The following GALNT13 variants were observed in gnomAD, a reference collection of about 807,000 sequenced individuals.
GALNT13 encodes UDP-GalNAc:polypeptide N-acetylgalactosaminyltransferase 13.
A neutral mutation model predicts 64.2 loss-of-function variants in GALNT13; 28 were observed. That is an observed-to-expected ratio of 0.44 (90% CI 0.32 to 0.60). The LOEUF (loss-of-function observed/expected upper bound fraction) is 0.60, where lower values mean the gene tolerates loss of function less well. Ranked by LOEUF, GALNT13 falls within the 20% of genes least tolerant of loss-of-function variation. The probability of loss-of-function intolerance (pLI) is 0.05; values close to 1 mark genes in which losing one functional copy is unlikely to be tolerated. For synonymous variants in GALNT13, 214 were observed against 224.6 expected (o/e 0.95, Z 0.42); for missense variants, 577 against 669.8 (o/e 0.86, Z 1.53).
chr2:153,194,265 T>G, the GALNT13 span, among the ~76,000 whole-genome samples: 1 of 152,174 alleles, frequency 6.6e-6, no homozygotes, highest in African/African-American at 2.4e-5. Context: ...CCATAAATCA[T>G]GAAGGCTTTC....
At chr2:154,245,403 A>C (rs1450401919) in intron 6 of GALNT13, among the ~76,000 whole-genome samples, 1 of 152,126 alleles carries the variant, frequency 6.6e-6, no homozygotes, top group Non-Finnish European at 1.5e-5. Context: ...CCTACTTGAA[A>C]TGCAAACTAC....
chr2:153,619,922 G>A, the GALNT13 span, among the ~76,000 whole-genome samples: 1 of 151,790 alleles, frequency 6.6e-6, no homozygotes, highest in Admixed American at 6.6e-5. Flanking sequence ...ATGCCTTCAG[G>A]TAGTTTTCTT....
At chr2:153,891,559 G>T (rs779825223) in intron 1 of GALNT13, among the ~76,000 whole-genome samples, 3 of 151,936 alleles carry the variant, frequency 2.0e-5, no homozygotes, top group Non-Finnish European at 4.4e-5. Context: ...TAAGTCACAG[G>T]GTTTAAAATT....
the GALNT13 span, among the ~76,000 whole-genome samples, chr2:153,082,654 C>T: frequency 1.3e-3 from 106 of 79,060 alleles, 2 homozygotes; most frequent in South Asian, 0.024. Flanking sequence ...CACACACACA[C>T]ACACACACAC....
At chr2:153,638,231 A>G in the GALNT13 span, among the ~76,000 whole-genome samples, 4 of 152,132 alleles carry the variant, frequency 2.6e-5, no homozygotes, top group African/African-American at 9.7e-5. Flanking sequence ...CATTGTAAAG[A>G]TATTCATTGG....
intron 3 of GALNT13, among the ~76,000 whole-genome samples, chr2:154,045,916 T>C (rs1288035322): frequency 2.0e-5 from 3 of 150,926 alleles, no homozygotes; most frequent in Non-Finnish European, 4.5e-5. Flanking sequence ...TCTTTTTCTT[T>C]CTCTGTCTAG....
chr2:154,351,474 G>A (rs1250789572), intron 9 of GALNT13, among the ~76,000 whole-genome samples: 3 of 151,838 alleles, frequency 2.0e-5, no homozygotes, highest in Non-Finnish European at 2.9e-5. Context: ...ACGAGGTCAG[G>A]AGATTGAGAC....
the GALNT13 span, among the ~76,000 whole-genome samples, chr2:153,542,358 AC>A: frequency 0.11 from 7,847 of 70,618 alleles, 468 homozygotes; most frequent in East Asian, 0.45. Flanking sequence ...ACACACACAC[AC>A]AAAAAAAAAA....
the GALNT13 span, among the ~76,000 whole-genome samples, chr2:153,415,208 T>C: frequency 6.6e-6 from 1 of 152,128 alleles, no homozygotes; most frequent in African/African-American, 2.4e-5. Flanking sequence ...TAGTCTTGTA[T>C]GTTGACATGG....
At chr2:154,258,974 C>G in intron 7 of GALNT13, 47 bp from the exon 8 acceptor site, 1 of 981,262 alleles carries the variant, frequency 1.0e-6, no homozygotes, top group Non-Finnish European at 1.6e-6. Context: ...AAACTCCATA[C>G]ATTGTTTTCA....
At chr2:153,314,805 C>T in the GALNT13 span, among the ~76,000 whole-genome samples, 1 of 151,314 alleles carries the variant, frequency 6.6e-6, no homozygotes, top group Non-Finnish European at 1.5e-5. Flanking sequence ...TATCTGTAAA[C>T]ATCTACATTT....
At chr2:153,235,254 T>C in the GALNT13 span, among the ~76,000 whole-genome samples, 1 of 152,134 alleles carries the variant, frequency 6.6e-6, no homozygotes, top group Non-Finnish European at 1.5e-5. Context: ...GTGGCCCAGT[T>C]CAGGTTTTTG....
chr2:153,726,948 A>C, the GALNT13 span, among the ~76,000 whole-genome samples: 10 of 148,126 alleles, frequency 6.8e-5, no homozygotes, highest in African/African-American at 2.1e-4. Flanking sequence ...TCAAAAAAAA[A>C]AAAAAAAACA....
At chr2:153,282,383 G>C in the GALNT13 span, among the ~76,000 whole-genome samples, 1 of 152,056 alleles carries the variant, frequency 6.6e-6, no homozygotes, top group East Asian at 1.9e-4. Flanking sequence ...CTGAGTTTCT[G>C]TTTTGATTAG....
intron 3 of GALNT13, among the ~76,000 whole-genome samples, chr2:153,980,978 T>G (rs2105157856): frequency 6.6e-6 from 1 of 152,294 alleles, no homozygotes; most frequent in African/African-American, 2.4e-5. Context: ...TCTCAAATGA[T>G]ATTTTATTCA....
chr2:153,655,957 T>A, the GALNT13 span, among the ~76,000 whole-genome samples: 1 of 152,144 alleles, frequency 6.6e-6, no homozygotes, highest in Non-Finnish European at 1.5e-5. Flanking sequence ...TTAATAGGTA[T>A]AATGTCTTCA....
At chr2:153,823,201 A>G in the GALNT13 span, among the ~76,000 whole-genome samples, 1 of 152,258 alleles carries the variant, frequency 6.6e-6, no homozygotes, top group African/African-American at 2.4e-5. Flanking sequence ...CATATTGCCC[A>G]GGACAATATA....
At chr2:154,202,878 G>A (rs1172426341) in intron 4 of GALNT13, among the ~76,000 whole-genome samples, 3 of 152,114 alleles carry the variant, frequency 2.0e-5, no homozygotes, top group African/African-American at 7.2e-5. Context: ...ACAGAATTCT[G>A]AGCCTAACAT....
chr2:153,426,584 A>G, the GALNT13 span, among the ~76,000 whole-genome samples: 1 of 152,062 alleles, frequency 6.6e-6, no homozygotes, highest in African/African-American at 2.4e-5. Flanking sequence ...CATCACGTTC[A>G]TGTGCATATA....
Sources: allele counts gnomAD v4.1 joint callset (sites outside exome capture counted in the v4.1 genomes callset), GRCh38; gene constraint gnomAD v4.1.1; transcripts MANE v1.5; gene names NCBI Gene and HGNC (gene_info 2026-07-23, HGNC 2026-07-21).